ZNF385D: variants seen among roughly 807,000 people sequenced by gnomAD.
ZNF385D encodes the protein zinc finger protein 659.
ZNF385D carries 15 observed loss-of-function variants against 35.8 expected under a neutral mutation model. That is an observed-to-expected ratio of 0.42 (90% CI 0.28 to 0.64). The LOEUF (loss-of-function observed/expected upper bound fraction) is 0.64, where lower values mean the gene tolerates loss of function less well. Ranked by LOEUF, ZNF385D falls within the 30% of genes least tolerant of loss-of-function variation. The probability of loss-of-function intolerance (pLI) is 0.23; values close to 1 mark genes in which losing one functional copy is unlikely to be tolerated. For synonymous variants in ZNF385D, 212 were observed against 186.8 expected (o/e 1.13, Z -1.10); for missense variants, 474 against 494.6 (o/e 0.96, Z 0.39).
intron 3 of ZNF385D, among the ~76,000 whole-genome samples, chr3:21,955,200 G>A (rs1004772625): frequency 2.0e-5 from 3 of 152,114 alleles, no homozygotes; most frequent in Non-Finnish European, 2.9e-5. Context: ...AAATGTGGAT[G>A]CAACACTATA....
intron 3 of ZNF385D, among the ~76,000 whole-genome samples, chr3:21,911,944 C>T (rs892697115): frequency 4.0e-5 from 6 of 151,626 alleles, no homozygotes; most frequent in African/African-American, 1.5e-4. Context: ...TAAAAATAAG[C>T]TTAAGAGTGA....
chr3:21,847,118 T>A (rs1696057579), intron 3 of ZNF385D, among the ~76,000 whole-genome samples: 1 of 152,060 alleles, frequency 6.6e-6, no homozygotes, highest in Non-Finnish European at 1.5e-5. Flanking sequence ...ATTTCACCTC[T>A]GGAAATCCAG....
At chr3:21,873,616 T>C (rs1697808914) in intron 3 of ZNF385D, among the ~76,000 whole-genome samples, 1 of 152,118 alleles carries the variant, frequency 6.6e-6, no homozygotes. Flanking sequence ...ATTGTATACC[T>C]ATTGAACAGA....
intron 3 of ZNF385D, among the ~76,000 whole-genome samples, chr3:22,036,706 T>C (rs1698342456): frequency 1.4e-5 from 2 of 147,012 alleles, no homozygotes; most frequent in Middle Eastern, 3.5e-3. Flanking sequence ...GTAGCCCTAC[T>C]AGGTTTTTTT....
intron 3 of ZNF385D, among the ~76,000 whole-genome samples, chr3:21,836,067 C>T (rs1480190932): frequency 6.6e-6 from 1 of 151,998 alleles, no homozygotes; most frequent in East Asian, 1.9e-4. Context: ...CTGTTAGGTA[C>T]ACTGTTACAA....
chr3:22,294,344 G>C (rs912996823), intron 2 of ZNF385D, among the ~76,000 whole-genome samples: 1 of 151,884 alleles, frequency 6.6e-6, no homozygotes, highest in African/African-American at 2.4e-5. Context: ...CCATTATTTA[G>C]TGCTATTTTT....
chr3:22,181,571 G>A (rs1247784419), intron 2 of ZNF385D, among the ~76,000 whole-genome samples: 4 of 152,026 alleles, frequency 2.6e-5, no homozygotes, highest in South Asian at 2.1e-4. Context: ...AGTGGCGGGC[G>A]CCTGTAGTCC....
At chr3:21,831,568 A>G (rs947446275) in intron 3 of ZNF385D, among the ~76,000 whole-genome samples, 1 of 152,148 alleles carries the variant, frequency 6.6e-6, no homozygotes, top group Non-Finnish European at 1.5e-5. Flanking sequence ...TTAGCTTCTC[A>G]TTCATTCAAT....
intron 3 of ZNF385D, among the ~76,000 whole-genome samples, chr3:22,097,325 G>C (rs546113483): frequency 6.6e-6 from 1 of 152,176 alleles, no homozygotes; most frequent in South Asian, 2.1e-4. Flanking sequence ...AAAATATATG[G>C]TGTTGGGTTT....
chr3:22,147,481 G>C lies in ZNF385D; in HGVS notation c.325+21336C>G, dbSNP rs114780440. Among the ~76,000 whole-genome samples, 728 of 152,228 alleles carry C rather than the reference G, an allele frequency of 4.8e-3. 8 individuals are homozygous for C. The highest frequency in any genetic ancestry group is 0.016 in the African/African-American group (676 of 41,546). ...TTCTCTTTTGCTGATGGTGGTGTTG[G>C]TAAAAGGGAAGCCTGGAGTTCCTGG... On this transcript the variant is annotated intron_variant, in intron 3 of 5. Transcript: ENST00000494108.
intron 3 of ZNF385D, among the ~76,000 whole-genome samples, chr3:21,912,584 G>T (rs1489828886): frequency 6.6e-6 from 1 of 152,052 alleles, no homozygotes; most frequent in Non-Finnish European, 1.5e-5. Flanking sequence ...TATAGTGCAT[G>T]CAAGTCAGGA....
intron 3 of ZNF385D, among the ~76,000 whole-genome samples, chr3:22,130,665 C>T (rs1175036520): frequency 6.6e-6 from 1 of 152,148 alleles, no homozygotes; most frequent in Non-Finnish European, 1.5e-5. Context: ...TCTTCCCACA[C>T]CATTTGACAC....
At chr3:21,596,728 C>T (rs1313422484) in intron 2 of ZNF385D, among the ~76,000 whole-genome samples, 2 of 151,794 alleles carry the variant, frequency 1.3e-5, no homozygotes, top group African/African-American at 4.8e-5. Flanking sequence ...ATCCTCCTGC[C>T]CCAGCCTTCC....
chr3:21,720,882 C>T (rs2068512751), intron 1 of ZNF385D, among the ~76,000 whole-genome samples: 1 of 152,102 alleles, frequency 6.6e-6, no homozygotes, highest in African/African-American at 2.4e-5. Context: ...CATATGGTGA[C>T]AAAAAGTGCG....
At chr3:21,851,887 T>C (rs190626196) in intron 3 of ZNF385D, among the ~76,000 whole-genome samples, 1 of 152,120 alleles carries the variant, frequency 6.6e-6, no homozygotes, top group East Asian at 1.9e-4. Context: ...TTGGCCTTTG[T>C]CTCCTGGTTG....
chr3:21,777,737 A>C (rs2071343485), intron 3 of ZNF385D: 1 of 151,816 alleles, frequency 6.6e-6, no homozygotes, highest in Admixed American at 6.6e-5. Context: ...CTACTGCCTT[A>C]TTTTGTACTT....
intron 3 of ZNF385D, among the ~76,000 whole-genome samples, chr3:21,876,619 G>C (rs1036556362): frequency 7.2e-5 from 11 of 151,908 alleles, no homozygotes; most frequent in African/African-American, 2.4e-4. Flanking sequence ...TAAATATGAA[G>C]AACAGAACAG....
intron 3 of ZNF385D, among the ~76,000 whole-genome samples, chr3:21,558,172 C>CTTAG (rs1319573261): frequency 2.2e-5 from 3 of 137,228 alleles, no homozygotes; most frequent in Non-Finnish European, 4.6e-5. Flanking sequence ...CTGCTCTGAT[C>CTTAG]TTAGTTATTT....
intron 2 of ZNF385D, among the ~76,000 whole-genome samples, chr3:22,251,369 A>C (rs1700055950): frequency 1.3e-5 from 2 of 152,152 alleles, no homozygotes; most frequent in African/African-American, 4.8e-5. Context: ...GTTGTCTTCC[A>C]CAAAAAACAA....
Sources: gnomAD v4.1 joint callset for allele counts (sites outside exome capture counted in the v4.1 genomes callset) on GRCh38, gnomAD v4.1.1 for gene constraint, MANE v1.5 for transcripts, NCBI Gene and HGNC (gene_info 2026-07-23, HGNC 2026-07-21) for gene names.